The following ARPIN variants were observed in gnomAD, a reference collection of about 807,000 sequenced individuals.
ARPIN encodes UPF0552 protein C15orf38.
ARPIN carries 23 observed loss-of-function variants against 25.9 expected under a neutral mutation model. That is an observed-to-expected ratio of 0.89 (90% CI 0.64 to 1.26). The LOEUF is 1.26. Ranked by LOEUF, ARPIN falls within the 50% of genes most tolerant of loss-of-function variation. ARPIN has a pLI of 0.00. For missense variants in ARPIN, 333 were observed against 312.2 expected (o/e 1.07, Z -0.50); for synonymous variants, 126 against 131.4 (o/e 0.96, Z 0.28).
rs1020894313 is a variant in ARPIN, at chr15:89,896,893, T to C, written c.*4902A>G. Reference sequence around the variant, plus strand: ...ATACCCAATTCTCACAAGGGCAGCATAAAAATGGTTCTCCCCTACATTGCT... The same window carrying C: ...ATACCCAATTCTCACAAGGGCAGCACAAAAATGGTTCTCCCCTACATTGCT... On this transcript the variant is annotated 3_prime_UTR_variant, in exon 6 of 6. Transcript: ENST00000357484. The C allele has an allele frequency of 2.0e-5, 3 of 152,316 alleles. No homozygotes were observed. Among genetic ancestry groups the C allele is most frequent in the East Asian group, 3.9e-4 (2 of 5,186 alleles). The allele number at this position is 152,316 out of a possible 1,614,324, so 9.4% of individuals were successfully genotyped here.
chr15:89,904,543 C>G (rs1167921878), intron 3 of ARPIN, among the ~76,000 whole-genome samples: 1 of 152,178 alleles, frequency 6.6e-6, no homozygotes, highest in East Asian at 1.9e-4. Flanking sequence ...CTACTGGAAC[C>G]AGGAGTAAAC....
rs760765538 is a variant in ARPIN at position 89,901,648 on chromosome 15, G to A, written c.*147C>T. The A allele has an allele frequency of 3.1e-6, 3 of 968,890 alleles. No homozygotes were observed. Among genetic ancestry groups the A allele is most frequent in the Non-Finnish European group, 4.7e-6 (3 of 635,802 alleles). The allele number at this position is 968,890 out of a possible 1,614,324, so 60.0% of individuals were successfully genotyped here. A position where few individuals can be genotyped will look rare whatever the true frequency, so the allele number is the denominator to read the frequency against. On this transcript the variant is annotated 3_prime_UTR_variant, in exon 6 of 6. Transcript: ENST00000357484. Reference sequence around the variant, plus strand: ...CATGGGTTTGGTTTTAGCAGAGCTTGTTCAAAGAGTATTCCAAGGTGGCTA... The same window carrying A: ...CATGGGTTTGGTTTTAGCAGAGCTTATTCAAAGAGTATTCCAAGGTGGCTA...
intron 1 of ARPIN, chr15:89,912,164 TAC>T: frequency 1.0e-6 from 1 of 976,316 alleles, no homozygotes. Context: ...AGGTTCCATA[TAC>T]GAGATCACAC....
chr15:89,908,221 A>G, intron 3 of ARPIN, 59 bp downstream of exon 3: 1 of 1,604,674 alleles, frequency 6.2e-7, no homozygotes, highest in Non-Finnish European at 8.5e-7. Context: ...CTCAGAAGAG[A>G]AAGGCCGCCA....
intron 5 of ARPIN, chr15:89,902,952 T>C (rs1392321472): frequency 5.7e-6 from 8 of 1,406,850 alleles, no homozygotes; most frequent in Non-Finnish European, 7.4e-6. Flanking sequence ...TTAATATCCC[T>C]CTGCACCCCC....
chr15:89,903,504 G>A (rs1474191057), intron 4 of ARPIN, 125 bp from the exon 5 acceptor site: 3 of 1,491,986 alleles, frequency 2.0e-6, no homozygotes, highest in Non-Finnish European at 2.7e-6. Context: ...GCATAGATGT[G>A]GTCAATGAGC....
In ARPIN at chr15:89,898,234, C is replaced by G. The variant is rs1896960542; in HGVS notation, c.*3561G>C. 6.8e-6 allele frequency: 1 copy of G among 147,736 alleles called. No individual in the cohort carries two copies. The highest frequency in any genetic ancestry group is 2.5e-5 in the African/African-American group (1 of 39,526). The allele number at this position is 147,736 out of a possible 1,614,324, so 9.2% of individuals were successfully genotyped here. A position where few individuals can be genotyped will look rare whatever the true frequency, so the allele number is the denominator to read the frequency against. On this transcript the variant is annotated 3_prime_UTR_variant, in exon 6 of 6. Transcript: ENST00000357484. Reference sequence around the variant, plus strand: ...CCATCATTAGGCCCATGGTGAAAGGCAAGCTGGACACTGGTGGAAGAAAAA... The same window carrying G: ...CCATCATTAGGCCCATGGTGAAAGGGAAGCTGGACACTGGTGGAAGAAAAA...
In ARPIN at chr15:89,895,673, T is replaced by C. The variant is rs1384546096; in HGVS notation, c.*6122A>G. On this transcript the variant is annotated 3_prime_UTR_variant, in exon 6 of 6. Transcript: ENST00000357484. ...AAAACATCTTTGGGTGGTAGGATTATCAAGTTTTCCTTTTTTTCCTTCAAA... is the reference window on the plus strand; with the variant it reads ...AAAACATCTTTGGGTGGTAGGATTACCAAGTTTTCCTTTTTTTCCTTCAAA... 1.3e-5 allele frequency: 2 copies of C among 152,290 alleles called. No homozygotes were observed. Among genetic ancestry groups the C allele is most frequent in the African/African-American group, 4.8e-5 (2 of 41,468 alleles). 9.4% of individuals were successfully genotyped at this position (152,290 alleles called of 1,614,324 possible). A position where few individuals can be genotyped will look rare whatever the true frequency, so the allele number is the denominator to read the frequency against.
At chr15:89,904,478 G>A (rs140831075) in intron 3 of ARPIN, among the ~76,000 whole-genome samples, 1 of 152,280 alleles carries the variant, frequency 6.6e-6, no homozygotes, top group African/African-American at 2.4e-5. Context: ...TGAGACCCCG[G>A]TGGCCAGGCA....
In ARPIN at chr15:89,897,600, T is replaced by C. The variant is rs549304515; in HGVS notation, c.*4195A>G. Reference sequence around the variant, plus strand: ...CAAGCATTACAGATGTTTCAGAATTTGTCTAGCAGGTTTTCCAGTTTGTAC... The same window carrying C: ...CAAGCATTACAGATGTTTCAGAATTCGTCTAGCAGGTTTTCCAGTTTGTAC... On this transcript the variant is annotated 3_prime_UTR_variant, in exon 6 of 6. Transcript: ENST00000357484. The C allele has an allele frequency of 6.6e-6, 1 of 152,342 alleles. No individual in the cohort carries two copies. The highest frequency in any genetic ancestry group is 2.4e-5 in the African/African-American group (1 of 41,578). The allele number at this position is 152,342 out of a possible 1,614,324, so 9.4% of individuals were successfully genotyped here. A position where few individuals can be genotyped will look rare whatever the true frequency, so the allele number is the denominator to read the frequency against.
Position 89,900,112 on chromosome 15 carries a change from CCTT to C in ARPIN, c.*1680_*1682del, listed in dbSNP as rs1896994713. The C allele has an allele frequency of 6.6e-6, 1 of 152,396 alleles. No individual in the cohort carries two copies. Among genetic ancestry groups the C allele is most frequent in the South Asian group, 2.1e-4 (1 of 4,834 alleles). The allele number at this position is 152,396 out of a possible 1,614,324, so 9.4% of individuals were successfully genotyped here. Reference sequence around the variant, plus strand: ...ACCCCCAGTCAGTGTCCCCAGCTATCCTTCTGCTCAACCACCTCCCTGGCCACC... The same window carrying C: ...ACCCCCAGTCAGTGTCCCCAGCTATCCTGCTCAACCACCTCCCTGGCCACC... On this transcript the variant is annotated 3_prime_UTR_variant, in exon 6 of 6. Coordinates refer to ENST00000357484, the MANE Select transcript of ARPIN (RefSeq NM_182616.4).
intron 1 of ARPIN, 24 bp downstream of exon 1, chr15:89,912,720 C>T (rs370986449): frequency 7.3e-7 from 1 of 1,369,200 alleles, no homozygotes; most frequent in Non-Finnish European, 9.4e-7. Flanking sequence ...GGAGGCCGAC[C>T]CGAGGCCGTG....
intron 3 of ARPIN, among the ~76,000 whole-genome samples, chr15:89,905,281 C>G (rs1251674360): frequency 1.3e-5 from 2 of 152,176 alleles, no homozygotes; most frequent in Admixed American, 1.3e-4. Flanking sequence ...CTCAGCCTCC[C>G]AAAGTGCTGG....
At chr15:89,912,663 T>TGGGGGGCCCCCCC in intron 1 of ARPIN, 81 bp downstream of exon 1, 1 of 871,110 alleles carries the variant, frequency 1.1e-6, no homozygotes, top group Non-Finnish European at 1.4e-6. Flanking sequence ...CCCACCCGCA[T>TGGGGGGCCCCCCC]CCCACCCCCC....
chr15:89,910,629 G>T, intron 2 of ARPIN, 115 bp downstream of exon 2: 3 of 1,299,690 alleles, frequency 2.3e-6, no homozygotes, highest in Non-Finnish European at 3.3e-6. Flanking sequence ...TGCTTTCTAA[G>T]CCCATCAAGA....
At position 89,912,799 on chromosome 15, in the gene ARPIN, T is replaced by C. The variant is rs1449553592; in HGVS notation, c.37A>G (p.Lys13Glu). The C allele has an allele frequency of 6.6e-7, 1 of 1,526,142 alleles. No individual in the cohort carries two copies. The highest frequency in any genetic ancestry group is 1.2e-5 in the South Asian group (1 of 82,028). 94.5% of individuals were successfully genotyped at this position (1,526,142 alleles called of 1,614,324 possible). ...RIYHDGALRN[K>E]AVQSVRLPGA... The stretch of plus-strand genomic sequence containing the variant: ...GGCAGCCGGACGCTCTGCACCGCCT[T>C]GTTCCGGAGCGCGCCGTCGTGGTAG... The change falls in exon 1 of 6, where the codon AAG (lysine) becomes GAG (glutamate). Residue 13 changes from lysine to glutamate, a missense_variant. Physicochemically the swap from Lys to Glu is moderately conservative, Grantham distance 56. Transcript: ENST00000357484.
chr15:89,905,686 G>A (rs1897108118), intron 3 of ARPIN, among the ~76,000 whole-genome samples: 1 of 152,014 alleles, frequency 6.6e-6, no homozygotes, highest in South Asian at 2.1e-4. Context: ...TTAGAGACAT[G>A]ACACCTTCCC....
rs113260947 is a variant in ARPIN, at chr15:89,906,007, T to C, written c.302-2024A>G. Among the ~76,000 whole-genome samples, 172 of 152,182 alleles carry C rather than the reference T, an allele frequency of 1.1e-3. 1 individual carries two copies. The highest frequency in any genetic ancestry group is 4.0e-3 in the African/African-American group (166 of 41,506). On this transcript the variant is annotated intron_variant, in intron 3 of 5. Coordinates refer to ENST00000357484, the MANE Select transcript of ARPIN (RefSeq NM_182616.4). ...TCCATTTCCCCAAGTCTGGCACCGA[T>C]GCCCAACCCCTGGCATCATCACGAC...
chr15:89,903,008 G>T (rs1296945678), intron 5 of ARPIN: 1 of 1,450,768 alleles, frequency 6.9e-7, no homozygotes, highest in Non-Finnish European at 9.1e-7. Flanking sequence ...TAGGTTCAGA[G>T]CCACCTACAA....
Sources: gnomAD v4.1 joint callset for allele counts (sites outside exome capture counted in the v4.1 genomes callset) on GRCh38, gnomAD v4.1.1 for gene constraint, MANE v1.5 for transcripts, NCBI Gene and HGNC (gene_info 2026-07-23, HGNC 2026-07-21) for gene names.